OSBPL9: variants seen among roughly 807,000 people sequenced by gnomAD.
OSBPL9 encodes oxysterol binding protein like 9, also known as oxysterol-binding protein-related protein 9.
Under a neutral mutation model 106.6 loss-of-function variants are expected in OSBPL9, and 40 were observed. That is an observed-to-expected ratio of 0.38 (90% CI 0.29 to 0.49). The LOEUF is 0.49. OSBPL9 is among the 20% of genes least tolerant of loss of function. The probability of loss-of-function intolerance (pLI) is 0.97; values close to 1 mark genes in which losing one functional copy is unlikely to be tolerated. For synonymous variants in OSBPL9, 269 were observed against 295.4 expected, an observed-to-expected ratio of 0.91 and a Z score of 0.92; for missense variants, 609 against 887.2, an observed-to-expected ratio of 0.69 and a Z score of 3.98.
chr1:51,559,193 G>A, the OSBPL9 span, among the ~76,000 whole-genome samples: 2 of 151,808 alleles, frequency 1.3e-5, no homozygotes, highest in East Asian at 3.9e-4. Context: ...GGAAGGTGAG[G>A]GAATTCCCAC....
chr1:51,669,648 G>T, intron 3 of OSBPL9, 136 bp downstream of exon 3: 1 of 769,200 alleles, frequency 1.3e-6, no homozygotes, highest in Non-Finnish European at 2.2e-6. Context: ...CATTCTGGAT[G>T]AAGTGGTACT....
At chr1:51,735,495 C>T (rs1665470501) in intron 4 of OSBPL9, among the ~76,000 whole-genome samples, 1 of 152,186 alleles carries the variant, frequency 6.6e-6, no homozygotes, top group African/African-American at 2.4e-5. Flanking sequence ...AAATTGCATC[C>T]TCTGTGAAAG....
At chr1:51,564,052 C>A in the OSBPL9 span, among the ~76,000 whole-genome samples, 10 of 27,384 alleles carry the variant, frequency 3.7e-4, no homozygotes, top group South Asian at 3.3e-3. Context: ...GAGATCATCT[C>A]AAAAAAAAAA....
Position 51,714,052 on chromosome 1 carries a change from A to G in OSBPL9, c.291A>G (p.Thr97=). 2 of 1,609,978 alleles carry G rather than the reference A, an allele frequency of 1.2e-6. No homozygotes were observed. The highest frequency in any genetic ancestry group is 1.7e-6 in the Non-Finnish European group (2 of 1,177,576). The change falls in exon 4 of 24, where the codon ACA becomes ACG. Residue 97 remains threonine, a synonymous_variant. Coordinates refer to ENST00000428468, the MANE Select transcript of OSBPL9 (RefSeq NM_024586.6). ...REKWIHALEE[T]ILRHTLQLQG... ...AGTGGATCCATGCCTTAGAAGAAAC[A>G]ATTCTTCGACATACTCTCCAGCTTC...
chr1:51,718,344 A>G (rs1661455269), intron 4 of OSBPL9, among the ~76,000 whole-genome samples: 1 of 152,172 alleles, frequency 6.6e-6, no homozygotes, highest in African/African-American at 2.4e-5. Context: ...AATAACTAGA[A>G]GAGTATAATT....
rs1452540502 is a variant in OSBPL9, at chr1:51,729,854, C to T, written c.319-15682C>T. 37 of 1,247,762 alleles carry T rather than the reference C, an allele frequency of 3.0e-5. No individual in the cohort carries two copies. In the East Asian group the frequency reaches 1.0e-3, roughly 34 times the overall value. The allele number at this position is 1,247,762 out of a possible 1,614,324, so 77.3% of individuals were successfully genotyped here. ...GGGTGTCCCGGGGGACGGGCTGAACCTCAGTCAGGACCGCCTGCACCGCAG... is the reference window on the plus strand; with the variant it reads ...GGGTGTCCCGGGGGACGGGCTGAACTTCAGTCAGGACCGCCTGCACCGCAG... On this transcript the variant is annotated intron_variant, in intron 4 of 23. Transcript: ENST00000428468. The surrounding 1 kb of genome is among the most constrained non-coding windows in gnomAD (Gnocchi z 5.1).
chr1:51,680,861 A>G (rs1169137411), intron 3 of OSBPL9, among the ~76,000 whole-genome samples: 2 of 152,186 alleles, frequency 1.3e-5, no homozygotes, highest in East Asian at 3.8e-4. Context: ...AAATATTTTT[A>G]ATATTTCTGA....
chr1:51,564,052 C>CAAAAAAAAA, the OSBPL9 span, among the ~76,000 whole-genome samples: 252 of 27,362 alleles, frequency 9.2e-3, 54 homozygotes, highest in Middle Eastern at 0.067. Flanking sequence ...GAGATCATCT[C>CAAAAAAAAA]AAAAAAAAAA....
the OSBPL9 span, among the ~76,000 whole-genome samples, chr1:51,524,286 A>G: frequency 1.1e-4 from 16 of 152,228 alleles, no homozygotes; most frequent in Admixed American, 1.0e-3. Flanking sequence ...CAAAATTGTC[A>G]TCATCACTAA....
intron 2 of OSBPL9, among the ~76,000 whole-genome samples, chr1:51,662,287 G>A (rs1438330589): frequency 6.6e-6 from 1 of 152,148 alleles, no homozygotes; most frequent in Non-Finnish European, 1.5e-5. Context: ...TTGAGTATGT[G>A]TAAATGCAGT....
chr1:51,641,166 T>C (rs1399881931), intron 1 of OSBPL9, among the ~76,000 whole-genome samples: 8 of 152,160 alleles, frequency 5.3e-5, no homozygotes, highest in Non-Finnish European at 1.0e-4. Flanking sequence ...CCTAAGGATT[T>C]AAGAAATGGA....
At chr1:51,615,475 G>C (rs893795551), upstream of OSBPL9, among the ~76,000 whole-genome samples, 1 of 151,992 alleles carries the variant, frequency 6.6e-6, no homozygotes, top group Non-Finnish European at 1.5e-5. Flanking sequence ...TTTTATTCCA[G>C]TGTTTTGCCA....
At chr1:51,526,739 T>C in the OSBPL9 span, among the ~76,000 whole-genome samples, 1 of 152,142 alleles carries the variant, frequency 6.6e-6, no homozygotes, top group South Asian at 2.1e-4. Context: ...TACCCTTTTT[T>C]TTTTAACTTT....
chr1:51,610,064 A>G (rs1643975567), intron 2 of OSBPL9, among the ~76,000 whole-genome samples: 1 of 152,092 alleles, frequency 6.6e-6, no homozygotes, highest in South Asian at 2.1e-4. Flanking sequence ...TATATCTTAC[A>G]ATGTAGAATA....
chr1:51,752,827 C>G (rs1487745769), intron 8 of OSBPL9: 2 of 247,388 alleles, frequency 8.1e-6, no homozygotes, highest in African/African-American at 4.4e-5. Context: ...GGGCCCCACC[C>G]TTATGATCCC....
chr1:51,640,536 T>C (rs1285992367), intron 1 of OSBPL9, among the ~76,000 whole-genome samples: 2 of 152,188 alleles, frequency 1.3e-5, no homozygotes, highest in Non-Finnish European at 2.9e-5. Context: ...AATACAGTTG[T>C]AAAAATTTGA....
the OSBPL9 span, among the ~76,000 whole-genome samples, chr1:51,522,272 A>G: frequency 6.6e-6 from 1 of 152,230 alleles, no homozygotes; most frequent in East Asian, 1.9e-4. Context: ...AACAAAAAAT[A>G]AAAAGAATCA....
At chr1:51,774,664 G>A (rs1170657002) in intron 14 of OSBPL9, among the ~76,000 whole-genome samples, 1 of 152,090 alleles carries the variant, frequency 6.6e-6, no homozygotes, top group East Asian at 1.9e-4. Context: ...GGTACTTAGA[G>A]AAATTGAGTT....
intron 4 of OSBPL9, chr1:51,745,143 G>C (rs1667721235): frequency 5.9e-6 from 1 of 169,718 alleles, no homozygotes; most frequent in South Asian, 1.3e-4. Context: ...AGGGAAGGGA[G>C]GAATGAACTG....
Sources: allele counts gnomAD v4.1 joint callset (sites outside exome capture counted in the v4.1 genomes callset), GRCh38; gene constraint gnomAD v4.1.1; non-coding constraint Gnocchi (gnomAD v3.1); transcripts MANE v1.5; gene names NCBI Gene and HGNC (gene_info 2026-07-23, HGNC 2026-07-21).